The following DYNC2H1 variants were observed in gnomAD, a reference collection of about 807,000 sequenced individuals.
The protein encoded by DYNC2H1 is dynein cytoplasmic 2 heavy chain 1, also known as cytoplasmic dynein 2 heavy chain 1.
DYNC2H1 carries 410 observed loss-of-function variants against 570.0 expected under a neutral mutation model. The ratio of observed to expected loss-of-function variants is 0.72; its 90% CI spans 0.66 to 0.78. The LOEUF is 0.78. DYNC2H1 is among the 30% of genes least tolerant of loss of function. The pLI, the probability that DYNC2H1 is intolerant of heterozygous loss-of-function variation, is 0.00. For missense variants in DYNC2H1, 4,865 were observed against 5,046.4 expected (o/e 0.96, Z 1.09); for synonymous variants, 1,688 against 1,677.6 (o/e 1.01, Z -0.15).
intron 70 of DYNC2H1, among the ~76,000 whole-genome samples, chr11:103,279,556 CT>C (rs1352677471): frequency 1.3e-5 from 2 of 152,060 alleles, no homozygotes; most frequent in Non-Finnish European, 2.9e-5. Context: ...ATCTTCCCTT[CT>C]TTTTTTCCTC....
At chr11:103,235,291 C>G (rs997218838) in intron 61 of DYNC2H1, among the ~76,000 whole-genome samples, 8 of 151,948 alleles carry the variant, frequency 5.3e-5, no homozygotes, top group East Asian at 1.9e-4. Flanking sequence ...TTTACAATAA[C>G]CTTTTTGCTA....
intron 86 of DYNC2H1, among the ~76,000 whole-genome samples, chr11:103,455,719 C>T (rs1944764474): frequency 1.3e-5 from 2 of 152,038 alleles, no homozygotes; most frequent in South Asian, 4.1e-4. Flanking sequence ...ATATTTTTAT[C>T]TTCGCAGAAA....
At chr11:103,430,573 G>A (rs919896769) in intron 84 of DYNC2H1, among the ~76,000 whole-genome samples, 2 of 151,768 alleles carry the variant, frequency 1.3e-5, no homozygotes, top group African/African-American at 4.8e-5. Flanking sequence ...CCAAATTGTT[G>A]TGTCACTTCC....
At chr11:103,155,198 GATT>G in intron 24 of DYNC2H1, 130 bp from the exon 25 acceptor site, 1 of 856,272 alleles carries the variant, frequency 1.2e-6, no homozygotes, top group African/African-American at 1.8e-5. Context: ...ATGATTTTAA[GATT>G]ATTAAACAAG....
intron 63 of DYNC2H1, among the ~76,000 whole-genome samples, chr11:103,240,035 A>T (rs1196170425): frequency 6.6e-6 from 1 of 152,102 alleles, no homozygotes; most frequent in Non-Finnish European, 1.5e-5. Flanking sequence ...CCATTTTTTA[A>T]GTCAAAAATC....
At chr11:103,415,567 C>T (rs1034557782) in intron 84 of DYNC2H1, among the ~76,000 whole-genome samples, 2 of 152,174 alleles carry the variant, frequency 1.3e-5, no homozygotes, top group Non-Finnish European at 1.5e-5. Flanking sequence ...CATCACTGGT[C>T]ATCAGAGAAA....
rs1199256928 is a variant in DYNC2H1, at chr11:103,274,157, T to C, written c.10696-6191T>C. Among the ~76,000 whole-genome samples the C allele has an allele frequency of 5.3e-5, 8 of 150,998 alleles. No individual in the cohort carries two copies. The South Asian group carries it at 1.0e-3, about 20-fold the overall frequency. On this transcript the variant is annotated intron_variant, in intron 70 of 88. Transcript: ENST00000375735. ...GTGTATATATATATATACACACACA[T>C]ATATATATATCTGTGTGTGTCACAG...
intron 85 of DYNC2H1, among the ~76,000 whole-genome samples, chr11:103,449,284 C>T (rs988734227): frequency 6.6e-6 from 1 of 152,116 alleles, no homozygotes; most frequent in African/African-American, 2.4e-5. Flanking sequence ...ACAATGCAGG[C>T]GTTGTCTGCT....
At position 103,446,723 on chromosome 11, in the gene DYNC2H1, A is replaced by C. The variant is rs551417834; in HGVS notation, c.12457-8463A>C. 5.9e-5 allele frequency among the ~76,000 whole-genome samples: 9 copies of C among 152,234 alleles called. No individual in the cohort carries two copies. Among genetic ancestry groups the C allele is most frequent in the Non-Finnish European group, 1.0e-4 (7 of 68,008 alleles). ...TTTGACCATATCTGTGTTCACTATAAATTTTTAAATTGATGGTACAAGAAA... is the reference window on the plus strand; with the variant it reads ...TTTGACCATATCTGTGTTCACTATACATTTTTAAATTGATGGTACAAGAAA... On this transcript the variant is annotated intron_variant, in intron 85 of 88. Transcript: ENST00000375735. This position sits in a 1 kb window ranked among gnomAD's most constrained non-coding sequence, Gnocchi z 4.5.
chr11:103,425,721 T>G lies in DYNC2H1; in HGVS notation c.12367-10222T>G, dbSNP rs1328585886. The stretch of plus-strand genomic sequence containing the variant: ...AACGAATTTAAATAATTTATAAAAT[T>G]TTAAGACTTGGCTCTCACTAGCCTT... On this transcript the variant is annotated intron_variant, in intron 84 of 88. Coordinates refer to ENST00000375735, the MANE Select transcript of DYNC2H1 (RefSeq NM_001377.3). Among the ~76,000 whole-genome samples, 10 of 151,056 alleles carry G rather than the reference T, an allele frequency of 6.6e-5. No homozygotes were observed. The East Asian group carries it at 2.0e-3, about 30-fold the overall frequency.
intron 70 of DYNC2H1, among the ~76,000 whole-genome samples, chr11:103,266,160 G>T (rs1055375766): frequency 1.3e-5 from 2 of 152,166 alleles, no homozygotes; most frequent in African/African-American, 4.8e-5. Flanking sequence ...TCATAGTGCG[G>T]TTACAGTGGG....
chr11:103,113,837 C>T (rs1591256492), intron 2 of DYNC2H1, 130 bp downstream of exon 2: 2 of 873,980 alleles, frequency 2.3e-6, no homozygotes, highest in African/African-American at 3.5e-5. Context: ...CTTTTCTTAA[C>T]TTTTTTTAAC....
chr11:103,405,999 G>A (rs1427088417), intron 84 of DYNC2H1, among the ~76,000 whole-genome samples: 3 of 152,118 alleles, frequency 2.0e-5, no homozygotes, highest in African/African-American at 7.2e-5. Context: ...AGGAGAAGTA[G>A]ATTGAAGCCA....
rs1206528515 is a variant in DYNC2H1 at position 103,325,554 on chromosome 11, C to G, written c.12039+1564C>G. Among the ~76,000 whole-genome samples the G allele has an allele frequency of 6.6e-6, 1 of 152,130 alleles. No individual in the cohort carries two copies. Among genetic ancestry groups the G allele is most frequent in the African/African-American group, 2.4e-5 (1 of 41,426 alleles). On this transcript the variant is annotated intron_variant, in intron 82 of 88. Coordinates refer to ENST00000375735, the MANE Select transcript of DYNC2H1 (RefSeq NM_001377.3). The surrounding 1 kb of genome is among the most constrained non-coding windows in gnomAD (Gnocchi z 4.8). ...TAGCTTTATTTCTAGGCCCTCTATT[C>G]TGTTCTGTTGGTTTATGTGTCTGTT...
chr11:103,293,852 G>T (rs147371906), intron 75 of DYNC2H1, among the ~76,000 whole-genome samples: 1 of 152,002 alleles, frequency 6.6e-6, no homozygotes, highest in East Asian at 1.9e-4. Flanking sequence ...CGAGTTGGGC[G>T]GATCACTTGA....
intron 83 of DYNC2H1, among the ~76,000 whole-genome samples, chr11:103,383,773 C>A (rs1460699757): frequency 6.6e-6 from 1 of 152,120 alleles, no homozygotes. Flanking sequence ...CATGCCCGGC[C>A]TCTCCTTTTA....
At chr11:103,428,147 A>G (rs1709146) in intron 84 of DYNC2H1, among the ~76,000 whole-genome samples, 82,952 of 149,906 alleles carry the variant, frequency 0.55, 23,573 homozygotes, top group East Asian at 0.71. Context: ...AACAGGCATC[A>G]TTAGTCAAAT....
At chr11:103,287,076 A>T (rs1281356497) in intron 74 of DYNC2H1, among the ~76,000 whole-genome samples, 1 of 152,166 alleles carries the variant, frequency 6.6e-6, no homozygotes, top group Non-Finnish European at 1.5e-5. Flanking sequence ...TCAGGATTCG[A>T]GGCAGCAGTG....
At chr11:103,120,333 T>G in intron 6 of DYNC2H1, 114 bp from the exon 7 acceptor site, 1 of 1,059,784 alleles carries the variant, frequency 9.4e-7, no homozygotes, top group Non-Finnish European at 1.3e-6. Context: ...GGTTTTTTCT[T>G]TTTTTAGTAA....
Sources: gnomAD v4.1 joint callset for allele counts (sites outside exome capture counted in the v4.1 genomes callset) on GRCh38, gnomAD v4.1.1 for gene constraint, Gnocchi (gnomAD v3.1) non-coding constraint, MANE v1.5 for transcripts, NCBI Gene and HGNC (gene_info 2026-07-23, HGNC 2026-07-21) for gene names.